The following SYT10 variants were observed in gnomAD, a reference collection of about 807,000 sequenced individuals.
SYT10 encodes synaptotagmin 10.
SYT10 carries 31 observed loss-of-function variants against 51.1 expected under a neutral mutation model. That is an observed-to-expected ratio of 0.61 (90% CI 0.46 to 0.82). SYT10 has a LOEUF of 0.82. Ranked by LOEUF, SYT10 falls within the 40% of genes least tolerant of loss-of-function variation. The probability of loss-of-function intolerance (pLI) is 0.00; values close to 1 mark genes in which losing one functional copy is unlikely to be tolerated. For missense variants in SYT10, 603 were observed against 634.0 expected (o/e 0.95, Z 0.53); for synonymous variants, 233 against 225.9 (o/e 1.03, Z -0.28).
At chr12:33,433,576 C>G (rs535440116) in intron 1 of SYT10, among the ~76,000 whole-genome samples, 17 of 152,242 alleles carry the variant, frequency 1.1e-4, no homozygotes, top group South Asian at 2.1e-4. Flanking sequence ...TGTGATTTTA[C>G]AGTTGACACA....
At chr12:33,404,977 T>A (rs1253161157) in intron 3 of SYT10, 1 of 152,076 alleles carries the variant, frequency 6.6e-6, no homozygotes, top group Non-Finnish European at 1.5e-5. Context: ...GAACTCCTAC[T>A]TTTTTCTAAG....
chr12:33,416,944 C>A (rs1866459463), intron 2 of SYT10, among the ~76,000 whole-genome samples: 1 of 152,084 alleles, frequency 6.6e-6, no homozygotes, highest in Non-Finnish European at 1.5e-5. Flanking sequence ...TACTATCCAT[C>A]AGGAAGGCAA....
chr12:33,385,142 C>G (rs1291059367), intron 4 of SYT10, 29 bp downstream of exon 4: 2 of 1,607,508 alleles, frequency 1.2e-6, no homozygotes, highest in Admixed American at 3.4e-5. Context: ...GAGATTGTGC[C>G]CTTGGTCCTG....
intron 2 of SYT10, among the ~76,000 whole-genome samples, chr12:33,422,265 G>A (rs1233554768): frequency 1.3e-5 from 2 of 152,016 alleles, no homozygotes; most frequent in African/African-American, 4.8e-5. Flanking sequence ...GACTAGACAT[G>A]GAATTACTGA....
chr12:33,382,187 T>C (rs1866120803), intron 5 of SYT10, among the ~76,000 whole-genome samples, 162 bp downstream of exon 5: 1 of 152,138 alleles, frequency 6.6e-6, no homozygotes, highest in South Asian at 2.1e-4. Flanking sequence ...GAAATGAAAA[T>C]CCAGAACTAT....
chr12:33,378,657 C>T (rs1158323543), intron 6 of SYT10, among the ~76,000 whole-genome samples: 1 of 152,016 alleles, frequency 6.6e-6, no homozygotes, highest in Non-Finnish European at 1.5e-5. Context: ...AAGATCAGAA[C>T]CAGGAAAAGA....
intron 2 of SYT10, chr12:33,424,130 T>G (rs1259692010): frequency 1.1e-5 from 4 of 349,984 alleles, no homozygotes; most frequent in South Asian, 4.4e-5. Context: ...CAATCTAACT[T>G]TTATGATTTT....
chr12:33,390,787 C>T (rs770237033), intron 3 of SYT10, among the ~76,000 whole-genome samples: 9 of 152,110 alleles, frequency 5.9e-5, no homozygotes, highest in Admixed American at 3.9e-4. Flanking sequence ...GAAACACTGA[C>T]GACTAAGACA....
At chr12:33,377,991 T>C (rs2138378558) in intron 6 of SYT10, among the ~76,000 whole-genome samples, 1 of 152,302 alleles carries the variant, frequency 6.6e-6, no homozygotes, top group East Asian at 1.9e-4. Context: ...AACTCTCAAA[T>C]AACTGTTCCC....
chr12:33,376,888 G>T lies in SYT10; in HGVS notation c.1514C>A (p.Ala505Glu), dbSNP rs34361405. 5 of 1,613,882 alleles carry T rather than the reference G, an allele frequency of 3.1e-6. No homozygotes were observed. The Admixed American group carries it at 8.3e-5, about 27-fold the overall frequency. Residue 505 changes from alanine to glutamate, a missense_variant, in exon 7 of 7, where the codon GCG becomes GAG. Transcript: ENST00000228567. ...WHPLLELPGR[A>E]TSFDSQGSCP... The stretch of plus-strand genomic sequence containing the variant: ...GGATCCTTGACTATCAAAACTGGTC[G>T]CCCGGCCAGGTAACTGAAAGACAAA...
At chr12:33,408,238 C>T (rs1255872900) in intron 2 of SYT10, 1 of 152,024 alleles carries the variant, frequency 6.6e-6, no homozygotes, top group African/African-American at 2.4e-5. Flanking sequence ...TACATATTTA[C>T]TTTTAAAAAG....
intron 2 of SYT10, among the ~76,000 whole-genome samples, chr12:33,410,494 A>G (rs770179338): frequency 2.6e-5 from 4 of 151,502 alleles, no homozygotes; most frequent in Non-Finnish European, 5.9e-5. Context: ...TTTCTACTGT[A>G]CTATTCACAG....
chr12:33,391,196 C>G (rs1452190155), intron 3 of SYT10, among the ~76,000 whole-genome samples: 1 of 152,144 alleles, frequency 6.6e-6, no homozygotes, highest in African/African-American at 2.4e-5. Context: ...CTTGGCCTCC[C>G]AAACTGCTAG....
intron 2 of SYT10, among the ~76,000 whole-genome samples, chr12:33,412,025 T>C (rs1866410756): frequency 6.6e-6 from 1 of 152,168 alleles, no homozygotes; most frequent in African/African-American, 2.4e-5. Context: ...ACATTCTTGC[T>C]AAAATCACTT....
chr12:33,425,186 G>A (rs1485857247), intron 2 of SYT10, among the ~76,000 whole-genome samples: 3 of 151,908 alleles, frequency 2.0e-5, no homozygotes, highest in South Asian at 2.1e-4. Context: ...ATGCGTCTTC[G>A]GTTTAGAGAG....
At chr12:33,422,945 T>G (rs193259011) in intron 2 of SYT10, among the ~76,000 whole-genome samples, 1 of 152,184 alleles carries the variant, frequency 6.6e-6, no homozygotes, top group Non-Finnish European at 1.5e-5. Context: ...ACGTTGACTA[T>G]ACCCAGGATT....
chr12:33,403,116 A>T (rs1420578231), intron 3 of SYT10, among the ~76,000 whole-genome samples: 1 of 152,126 alleles, frequency 6.6e-6, no homozygotes, highest in African/African-American at 2.4e-5. Flanking sequence ...CTCTTTAAAA[A>T]TCTCATAAAT....
chr12:33,407,605 GTTTTGTT>G (rs901964637), intron 2 of SYT10, among the ~76,000 whole-genome samples: 206 of 152,190 alleles, frequency 1.4e-3, no homozygotes, highest in African/African-American at 4.3e-3. Context: ...TGTTTGTTTT[GTTTTGTT>G]TTTTGTTTTT....
chr12:33,434,189 A>G (rs1225142697), intron 1 of SYT10, among the ~76,000 whole-genome samples: 1 of 152,216 alleles, frequency 6.6e-6, no homozygotes, highest in Non-Finnish European at 1.5e-5. Context: ...TAGCCATGGA[A>G]TTACAGATCC....
Sources: gnomAD v4.1 joint callset for allele counts (sites outside exome capture counted in the v4.1 genomes callset) on GRCh38, gnomAD v4.1.1 for gene constraint, MANE v1.5 for transcripts, NCBI Gene and HGNC (gene_info 2026-07-23, HGNC 2026-07-21) for gene names.